Variants in CMTM8 observed in about 807,000 individuals in gnomAD.
CMTM8 encodes CKLF-like MARVEL transmembrane domain-containing protein 8.
Under a neutral mutation model 18.6 loss-of-function variants are expected in CMTM8, and 12 were observed. The ratio of observed to expected loss-of-function variants is 0.65; its 90% CI spans 0.41 to 1.05. The LOEUF (loss-of-function observed/expected upper bound fraction) is 1.05. Ranked by LOEUF, CMTM8 falls within the 50% of genes least tolerant of loss-of-function variation. The pLI, the probability that CMTM8 is intolerant of heterozygous loss-of-function variation, is 0.00. For synonymous variants in CMTM8, 87 were observed against 90.6 expected (o/e 0.96, Z 0.23); for missense variants, 217 against 227.2 (o/e 0.95, Z 0.29).
At chr3:32,267,509 C>T (rs909282484) in intron 1 of CMTM8, among the ~76,000 whole-genome samples, 28 of 152,282 alleles carry the variant, frequency 1.8e-4, no homozygotes, top group African/African-American at 6.3e-4. Context: ...TAGAAGAAAA[C>T]CTAGGCATTA....
chr3:32,291,229 C>T (rs143557078), intron 1 of CMTM8, among the ~76,000 whole-genome samples: 5,452 of 151,908 alleles, frequency 0.036, 188 homozygotes, highest in Admixed American at 0.12. Flanking sequence ...CCCGGGTTCA[C>T]GCCATTCTCC....
chr3:32,298,956 T>TATATATATATA (rs34213042), intron 1 of CMTM8, among the ~76,000 whole-genome samples: 1 of 129,292 alleles, frequency 7.7e-6, no homozygotes. Flanking sequence ...TATATATATA[T>TATATATATATA]TTTTTTTTTT....
rs1343718698 is a variant in CMTM8, at chr3:32,347,280, TGG to T, written c.148-10092_148-10091del. On this transcript the variant is annotated intron_variant, in intron 1 of 3. Coordinates refer to ENST00000307526, the MANE Select transcript of CMTM8 (RefSeq NM_178868.5). ...TTGTTTTGTTTTGTTTTTTGGTTTT[TGG>T]TTTTTTTTGCTTAGGTTTTTTTTTT... Among the ~76,000 whole-genome samples, 4 of 142,638 alleles carry T rather than the reference TGG, an allele frequency of 2.8e-5. No homozygotes were observed. The East Asian group carries it at 8.3e-4, about 30-fold the overall frequency. The allele number at this position is 142,638 out of a possible 152,430, so 93.6% of individuals were successfully genotyped here. A position where few individuals can be genotyped will look rare whatever the true frequency, so the allele number is the denominator to read the frequency against.
At chr3:32,260,030 G>T in intron 1 of CMTM8, 1 of 1,138,574 alleles carries the variant, frequency 8.8e-7, no homozygotes. Flanking sequence ...GGAGTACAAG[G>T]CCCTGCTGAA....
chr3:32,287,070 T>G (rs2125553780), intron 1 of CMTM8, among the ~76,000 whole-genome samples: 1 of 152,360 alleles, frequency 6.6e-6, no homozygotes, highest in South Asian at 2.1e-4. Flanking sequence ...GCTGCTTTGC[T>G]TAATTTGGGG....
chr3:32,318,055 CAAAAAAAAAAAA>C (rs60403582), intron 1 of CMTM8, among the ~76,000 whole-genome samples: 6 of 85,816 alleles, frequency 7.0e-5, no homozygotes, highest in African/African-American at 1.5e-4. Flanking sequence ...AACTCTGTCT[CAAAAAAAAAAAA>C]AAAAAAAAAA....
chr3:32,361,232 C>T (rs932545288), intron 2 of CMTM8, among the ~76,000 whole-genome samples: 1 of 144,610 alleles, frequency 6.9e-6, no homozygotes. Context: ...CCACCCGCCT[C>T]GGTCTCCCAA....
At chr3:32,315,899 A>G (rs547474482) in intron 1 of CMTM8, among the ~76,000 whole-genome samples, 2 of 152,100 alleles carry the variant, frequency 1.3e-5, no homozygotes, top group East Asian at 3.9e-4. Flanking sequence ...TTTTTAATGA[A>G]TTGGATCCAT....
intron 1 of CMTM8, among the ~76,000 whole-genome samples, chr3:32,282,729 T>C (rs1354429690): frequency 6.6e-6 from 1 of 152,182 alleles, no homozygotes; most frequent in East Asian, 1.9e-4. Context: ...TCAGTTTCAG[T>C]CTGCAAGACC....
intron 1 of CMTM8, among the ~76,000 whole-genome samples, chr3:32,270,200 ATG>A (rs1324993110): frequency 6.6e-6 from 1 of 152,138 alleles, no homozygotes; most frequent in Non-Finnish European, 1.5e-5. Context: ...GATATTATAG[ATG>A]TAAGCCACTG....
intron 1 of CMTM8, among the ~76,000 whole-genome samples, chr3:32,245,261 G>A (rs1055303279): frequency 6.6e-6 from 1 of 152,298 alleles, no homozygotes; most frequent in East Asian, 1.9e-4. Context: ...CTGACTTCCT[G>A]CCTGAACCTG....
chr3:32,288,822 C>A (rs1575161384), intron 1 of CMTM8, among the ~76,000 whole-genome samples: 1 of 152,172 alleles, frequency 6.6e-6, no homozygotes, highest in Admixed American at 6.5e-5. Flanking sequence ...TCTAAAGCAC[C>A]TTTTGGTTTC....
chr3:32,239,576 G>T (rs997122494), intron 1 of CMTM8, among the ~76,000 whole-genome samples: 10 of 152,248 alleles, frequency 6.6e-5, no homozygotes, highest in African/African-American at 2.4e-4. Flanking sequence ...ACATTGAGGT[G>T]AGTCAGGAAA....
chr3:32,351,421 A>G (rs181003886), intron 1 of CMTM8, among the ~76,000 whole-genome samples: 117 of 152,342 alleles, frequency 7.7e-4, no homozygotes, highest in Non-Finnish European at 1.0e-3. Flanking sequence ...AAAACCAATT[A>G]TGTCGGCCAG....
At chr3:32,295,831 G>A (rs1034065434) in intron 1 of CMTM8, among the ~76,000 whole-genome samples, 4 of 152,086 alleles carry the variant, frequency 2.6e-5, no homozygotes, top group Non-Finnish European at 4.4e-5. Context: ...CTTTCTATCT[G>A]GCTTTGTTTG....
At chr3:32,362,690 A>T (rs1575096723) in intron 2 of CMTM8, among the ~76,000 whole-genome samples, 1 of 152,216 alleles carries the variant, frequency 6.6e-6, no homozygotes, top group Non-Finnish European at 1.5e-5. Flanking sequence ...TCAGCATAGC[A>T]GTTCTAAAGA....
At chr3:32,276,945 C>T (rs557300217) in intron 1 of CMTM8, among the ~76,000 whole-genome samples, 17 of 151,984 alleles carry the variant, frequency 1.1e-4, no homozygotes, top group South Asian at 2.1e-4. Context: ...TAGAGTGCAG[C>T]GGCACAATCA....
intron 1 of CMTM8, among the ~76,000 whole-genome samples, chr3:32,333,535 T>G (rs1481681505): frequency 6.6e-6 from 1 of 151,936 alleles, no homozygotes; most frequent in Non-Finnish European, 1.5e-5. Flanking sequence ...TTTTTATCCT[T>G]TCTCATTTAG....
chr3:32,275,617 G>A (rs1296539815), intron 1 of CMTM8, among the ~76,000 whole-genome samples: 1 of 151,002 alleles, frequency 6.6e-6, no homozygotes, highest in African/African-American at 2.4e-5. Context: ...ATCTGTGTGA[G>A]GAGCACAAAG....
Sources: gnomAD v4.1 joint callset for allele counts (sites outside exome capture counted in the v4.1 genomes callset) on GRCh38, gnomAD v4.1.1 for gene constraint, MANE v1.5 for transcripts, NCBI Gene and HGNC (gene_info 2026-07-23, HGNC 2026-07-21) for gene names.